GAS2L3: variants seen among roughly 807,000 people sequenced by gnomAD.
GAS2L3 encodes growth arrest specific 2 like 3, also known as GAS2-like protein 3.
In GAS2L3, 28 loss-of-function variants were observed where a neutral mutation model predicts 37.0. That is an observed-to-expected ratio of 0.76 (90% confidence interval 0.56 to 1.04). The LOEUF (loss-of-function observed/expected upper bound fraction) is 1.04. Among genes scored for constraint, GAS2L3 ranks in the 50% least tolerant of loss-of-function variants. GAS2L3 has a pLI of 0.00. For synonymous variants in GAS2L3, 290 were observed against 296.6 expected (o/e 0.98, Z 0.23); for missense variants, 793 against 817.6 (o/e 0.97, Z 0.37).
At chr12:100,587,644 A>T (rs1955797043) in intron 1 of GAS2L3, among the ~76,000 whole-genome samples, 1 of 152,240 alleles carries the variant, frequency 6.6e-6, no homozygotes, top group Non-Finnish European at 1.5e-5. Context: ...AATGGGGAAA[A>T]GTTGAAAGCA....
intron 5 of GAS2L3, among the ~76,000 whole-genome samples, chr12:100,606,976 T>G (rs1191012498): frequency 6.6e-6 from 1 of 152,182 alleles, no homozygotes; most frequent in African/African-American, 2.4e-5. Context: ...TTTTGTACCT[T>G]CAGATGATTT....
chr12:100,592,202 G>A (rs906577959), intron 2 of GAS2L3, among the ~76,000 whole-genome samples: 5 of 152,020 alleles, frequency 3.3e-5, no homozygotes, highest in African/African-American at 1.2e-4. Flanking sequence ...AGTAGTAACC[G>A]CGATCTCAAC....
intron 8 of GAS2L3, among the ~76,000 whole-genome samples, chr12:100,620,303 T>G (rs1956237866): frequency 6.6e-6 from 1 of 152,048 alleles, no homozygotes; most frequent in Non-Finnish European, 1.5e-5. Flanking sequence ...GTGTAAAATA[T>G]GTACATATAG....
chr12:100,586,494 C>A (rs536227853), intron 1 of GAS2L3, among the ~76,000 whole-genome samples: 1 of 152,244 alleles, frequency 6.6e-6, no homozygotes, highest in Admixed American at 6.5e-5. Context: ...GGGTCAAAAA[C>A]GAAATCAAGA....
chr12:100,608,225 C>T (rs1326548520), intron 5 of GAS2L3, among the ~76,000 whole-genome samples: 1 of 152,036 alleles, frequency 6.6e-6, no homozygotes, highest in Admixed American at 6.6e-5. Context: ...TTACTTTATC[C>T]GAAACAAATG....
intron 1 of GAS2L3, among the ~76,000 whole-genome samples, chr12:100,585,634 T>C (rs188037434): frequency 1.3e-4 from 20 of 152,344 alleles, no homozygotes; most frequent in Non-Finnish European, 2.6e-4. Flanking sequence ...ATGCTGCCTC[T>C]GTCTCTGCTC....
At chr12:100,620,145 T>C (rs1313821643) in intron 8 of GAS2L3, among the ~76,000 whole-genome samples, 2 of 152,030 alleles carry the variant, frequency 1.3e-5, no homozygotes, top group South Asian at 2.1e-4. Flanking sequence ...TAAATGAAAG[T>C]GTTTATTACA....
rs767311560 is a variant in GAS2L3 at position 100,600,525 on chromosome 12, G to A, written c.162G>A (p.Leu54=). The part of the protein sequence containing the change: ...EATLLPMQED[L]SIWLSGLLGI... Reference sequence around the variant, plus strand: ...CTTTGTTGCCCATGCAAGAAGATCTGTCAATCTGGTTATCTGGTTTATTAG... The same window carrying A: ...CTTTGTTGCCCATGCAAGAAGATCTATCAATCTGGTTATCTGGTTTATTAG... The change falls in exon 4 of 10, where the codon CTG becomes CTA. Residue 54 remains leucine, a synonymous_variant. Coordinates refer to ENST00000547754, the MANE Select transcript of GAS2L3 (RefSeq NM_174942.3). The A allele has an allele frequency of 1.2e-6, 2 of 1,613,752 alleles. No individual in the cohort carries two copies. Among genetic ancestry groups the A allele is most frequent in the African/African-American group, 1.3e-5 (1 of 75,026 alleles).
chr12:100,612,209 A>AGGT, intron 6 of GAS2L3, 68 bp downstream of exon 6: 3 of 1,348,570 alleles, frequency 2.2e-6, no homozygotes, highest in Non-Finnish European at 3.1e-6. Flanking sequence ...TTCACCTCTA[A>AGGT]TTTTTCTTTC....
In GAS2L3 at chr12:100,624,802, A is replaced by G. The variant is rs1956313960; in HGVS notation, c.1997A>G (p.Asp666Gly). ...RKPPSSVKDA[D>G]SGDKKPTAKK... ...CCACCCTCATCTGTTAAGGATGCAG[A>G]TAGTGGAGATAAAAAACCTACTGCA... Residue 666 changes from aspartate (D) to glycine (G), a missense_variant, in exon 10 of 10, where the codon GAT becomes GGT. Asp to Gly is a moderately conservative substitution (Grantham distance 94). Coordinates refer to ENST00000547754, the MANE Select transcript of GAS2L3 (RefSeq NM_174942.3). 1 of 1,613,854 alleles carries G rather than the reference A, an allele frequency of 6.2e-7. No homozygotes were observed. Among genetic ancestry groups the G allele is most frequent in the African/African-American group, 1.3e-5 (1 of 75,048 alleles).
At chr12:100,575,637 C>T (rs1156948119) in intron 1 of GAS2L3, among the ~76,000 whole-genome samples, 2 of 151,860 alleles carry the variant, frequency 1.3e-5, no homozygotes, top group East Asian at 1.9e-4. Flanking sequence ...TGTGCCACTA[C>T]GCCCAGCTGA....
chr12:100,601,746 A>G lies in GAS2L3; in HGVS notation c.296A>G (p.Glu99Gly). The change falls in exon 5 of 10, where the codon GAA becomes GGA. Residue 99 changes from glutamate to glycine, a missense_variant. By Grantham distance (98) the Glu-to-Gly change is moderately conservative. Transcript: ENST00000547754. The stretch of plus-strand genomic sequence containing the variant: ...ATGGTGAAAACATGCAACTCTGAAG[A>G]ATCAGGGGTAAGTAAATGTTCGACA... ...QNMVKTCNSE[E>G]SGNFPMRKVP... 6.5e-7 allele frequency: 1 copy of G among 1,532,628 alleles called. No homozygotes were observed. Among genetic ancestry groups the G allele is most frequent in the South Asian group, 1.1e-5 (1 of 87,114 alleles). 94.9% of individuals were successfully genotyped at this position (1,532,628 alleles called of 1,614,324 possible).
intron 6 of GAS2L3, among the ~76,000 whole-genome samples, chr12:100,617,052 T>C (rs1956196274): frequency 6.6e-6 from 1 of 152,008 alleles, no homozygotes; most frequent in Admixed American, 6.6e-5. Flanking sequence ...TTGGATTTTG[T>C]GAAATACTTC....
At chr12:100,579,756 G>A (rs1955686355) in intron 1 of GAS2L3, 2 of 724,642 alleles carry the variant, frequency 2.8e-6, no homozygotes, top group South Asian at 3.1e-5. Flanking sequence ...AATTCCTGAG[G>A]TGCTTCCGGA....
intron 3 of GAS2L3, among the ~76,000 whole-genome samples, chr12:100,599,275 A>G (rs1955953735): frequency 6.6e-6 from 1 of 152,232 alleles, no homozygotes; most frequent in Admixed American, 6.5e-5. Flanking sequence ...AAGAATTGAT[A>G]CAGCCTTTTC....
intron 1 of GAS2L3, chr12:100,579,146 G>A (rs1018536761): frequency 4.5e-5 from 31 of 685,604 alleles, no homozygotes; most frequent in Non-Finnish European, 7.9e-5. Context: ...TTCTGCCATG[G>A]CCCATGATGT....
rs201162485 is a variant in GAS2L3 at position 100,575,144 on chromosome 12, GT to G, written c.-152+1360del. Among the ~76,000 whole-genome samples the G allele has an allele frequency of 3.9e-5, 6 of 152,198 alleles. No homozygotes were observed. The East Asian group carries it at 1.2e-3, about 29-fold the overall frequency. Reference sequence around the variant, plus strand: ...TTCCTACTTTATTGAGAGGATTGTTGTAAAGATTAAATGAAATTCCACGTAA... The same window carrying G: ...TTCCTACTTTATTGAGAGGATTGTTGAAAGATTAAATGAAATTCCACGTAA... On this transcript the variant is annotated intron_variant, in intron 1 of 9. Transcript: ENST00000547754.
At chr12:100,598,947 C>A (rs956535346) in intron 3 of GAS2L3, among the ~76,000 whole-genome samples, 1 of 152,096 alleles carries the variant, frequency 6.6e-6, no homozygotes, top group Non-Finnish European at 1.5e-5. Flanking sequence ...CCACTCACAC[C>A]CTGGGTAGAT....
intron 1 of GAS2L3, chr12:100,578,790 C>T (rs1593156228): frequency 3.3e-6 from 2 of 607,426 alleles, no homozygotes; most frequent in Non-Finnish European, 6.1e-6. Flanking sequence ...CCCTCAGCTA[C>T]ACTGTCTCAG....
Sources: allele counts gnomAD v4.1 joint callset (sites outside exome capture counted in the v4.1 genomes callset), GRCh38; gene constraint gnomAD v4.1.1; transcripts MANE v1.5; gene names NCBI Gene and HGNC (gene_info 2026-07-23, HGNC 2026-07-21).